The following BMPR1B variants were observed in gnomAD, a reference collection of about 807,000 sequenced individuals.
The protein encoded by BMPR1B is bone morphogenetic protein receptor type 1B, also known as bone morphogenetic protein receptor type-1B.
BMPR1B carries 12 observed loss-of-function variants against 59.1 expected under a neutral mutation model. That is an observed-to-expected ratio of 0.20 (90% CI 0.13 to 0.33). The LOEUF (loss-of-function observed/expected upper bound fraction) is 0.33, where lower values mean the gene tolerates loss of function less well. Among genes scored for constraint, BMPR1B ranks in the 10% least tolerant of loss-of-function variants. The pLI, the probability that BMPR1B is intolerant of heterozygous loss-of-function variation, is 1.00. For synonymous variants in BMPR1B, 237 were observed against 207.3 expected (o/e 1.14, Z -1.23); for missense variants, 550 against 610.9 (o/e 0.90, Z 1.05).
At chr4:95,030,762 C>G (rs1053231201) in intron 3 of BMPR1B, among the ~76,000 whole-genome samples, 5 of 152,150 alleles carry the variant, frequency 3.3e-5, no homozygotes, top group African/African-American at 1.2e-4. Context: ...AGTGAACTCC[C>G]ATTCACGATT....
intron 10 of BMPR1B, among the ~76,000 whole-genome samples, chr4:95,137,693 T>G (rs62316254): frequency 0.03 from 4,621 of 152,310 alleles, 109 homozygotes; most frequent in Non-Finnish European, 0.048. Context: ...TCTTTGTTAG[T>G]TTAAAGTCTG....
intron 6 of BMPR1B, among the ~76,000 whole-genome samples, chr4:95,121,630 C>T (rs1372558237): frequency 6.6e-6 from 1 of 152,030 alleles, no homozygotes; most frequent in Non-Finnish European, 1.5e-5. Flanking sequence ...ATTGAGAAGG[C>T]AAGATAATTA....
intron 2 of BMPR1B, among the ~76,000 whole-genome samples, chr4:94,995,433 A>C (rs1297802524): frequency 6.6e-6 from 1 of 152,172 alleles, no homozygotes; most frequent in Non-Finnish European, 1.5e-5. Context: ...TTTCTCATTG[A>C]GAAGCAATAT....
At chr4:94,862,339 C>T (rs1215681314) in intron 1 of BMPR1B, among the ~76,000 whole-genome samples, 15 of 151,524 alleles carry the variant, frequency 9.9e-5, no homozygotes, top group African/African-American at 2.9e-4. Flanking sequence ...TTAGCAGAGG[C>T]GGGGTTTCAC....
intron 1 of BMPR1B, among the ~76,000 whole-genome samples, chr4:94,769,358 C>A (rs1722084399): frequency 6.6e-6 from 1 of 152,140 alleles, no homozygotes; most frequent in Admixed American, 6.5e-5. Context: ...CGCCTGTAAT[C>A]CTAGCACTTT....
At chr4:95,019,076 G>T (rs138150310) in intron 3 of BMPR1B, among the ~76,000 whole-genome samples, 3 of 152,050 alleles carry the variant, frequency 2.0e-5, no homozygotes, top group Admixed American at 1.3e-4. Context: ...TGCAACTGTC[G>T]AATACCGCTT....
intron 3 of BMPR1B, among the ~76,000 whole-genome samples, chr4:95,006,316 G>A (rs556624005): frequency 8.0e-5 from 12 of 150,418 alleles, no homozygotes; most frequent in Admixed American, 1.3e-4. Context: ...AGGCTGAGGC[G>A]GGTGGATCAT....
At chr4:95,065,598 T>C (rs559183592) in intron 3 of BMPR1B, among the ~76,000 whole-genome samples, 14 of 152,218 alleles carry the variant, frequency 9.2e-5, no homozygotes, top group Non-Finnish European at 1.8e-4. Flanking sequence ...GTTAAGATTT[T>C]ATAAAAATGA....
intron 2 of BMPR1B, among the ~76,000 whole-genome samples, chr4:94,890,811 A>G (rs1246388621): frequency 2.0e-5 from 3 of 151,892 alleles, no homozygotes; most frequent in African/African-American, 7.3e-5. Flanking sequence ...CCCCATCCTC[A>G]TGATCTCATG....
chr4:94,769,549 G>T (rs1410956656), intron 1 of BMPR1B, among the ~76,000 whole-genome samples: 1 of 151,790 alleles, frequency 6.6e-6, no homozygotes, highest in East Asian at 1.9e-4. Flanking sequence ...GGCGGAGGTT[G>T]CAGTGAGCCA....
At chr4:94,772,805 C>G (rs1020851355) in intron 1 of BMPR1B, among the ~76,000 whole-genome samples, 5 of 152,054 alleles carry the variant, frequency 3.3e-5, no homozygotes, top group African/African-American at 1.2e-4. Flanking sequence ...GACCTCTGTT[C>G]TGCGACTTTG....
intron 1 of BMPR1B, among the ~76,000 whole-genome samples, chr4:94,824,861 GTTTTACAAAA>G (rs976729084): frequency 5.9e-5 from 9 of 152,064 alleles, no homozygotes; most frequent in Non-Finnish European, 1.0e-4. Flanking sequence ...TAGTTTTTGT[GTTTTACAAAA>G]TTGTAGTTAC....
At chr4:94,911,751 T>C (rs1728281447) in intron 2 of BMPR1B, among the ~76,000 whole-genome samples, 1 of 152,168 alleles carries the variant, frequency 6.6e-6, no homozygotes, top group Non-Finnish European at 1.5e-5. Context: ...TCAGTACATC[T>C]AAGGTATATA....
intron 1 of BMPR1B, among the ~76,000 whole-genome samples, chr4:94,766,687 A>ATTT (rs994773223): frequency 1.3e-5 from 2 of 151,688 alleles, no homozygotes; most frequent in African/African-American, 2.4e-5. Flanking sequence ...TATTATTATT[A>ATTT]TTTTTTACCA....
chr4:95,051,855 A>AG (rs1390501332), intron 3 of BMPR1B: 1 of 1,361,264 alleles, frequency 7.3e-7, no homozygotes. Flanking sequence ...CAGAAGGGAA[A>AG]GTTCAGGCCA....
chr4:94,886,912 A>T (rs771201082), intron 2 of BMPR1B, among the ~76,000 whole-genome samples: 3 of 152,162 alleles, frequency 2.0e-5, no homozygotes, highest in Non-Finnish European at 4.4e-5. Context: ...GAAAATACCG[A>T]AAAAGAAACT....
At chr4:94,865,722 T>C (rs1451484782) in intron 1 of BMPR1B, among the ~76,000 whole-genome samples, 1 of 152,198 alleles carries the variant, frequency 6.6e-6, no homozygotes, top group Non-Finnish European at 1.5e-5. Flanking sequence ...CCTTCAATGG[T>C]TCCCATTGCC....
At chr4:95,100,776 G>T (rs914986314) in intron 3 of BMPR1B, among the ~76,000 whole-genome samples, 5 of 152,038 alleles carry the variant, frequency 3.3e-5, no homozygotes, top group African/African-American at 7.2e-5. Flanking sequence ...CTCACCTGCT[G>T]GGATTTTCAT....
rs146397817 is a variant in BMPR1B, at chr4:94,820,123, C to A, written c.-182-55708C>A. ...AGTGCATAAGGTTCAGTGTATTATT[C>A]CTGTACCTCACACAGTGAGGCCCAT... On this transcript the variant is annotated intron_variant, in intron 1 of 12. Coordinates refer to ENST00000515059, the MANE Select transcript of BMPR1B (RefSeq NM_001203.3). Among the ~76,000 whole-genome samples the A allele has an allele frequency of 6.7e-3, 1,015 of 152,256 alleles. 8 individuals are homozygous for A. Among genetic ancestry groups the A allele is most frequent in the Non-Finnish European group, 7.3e-3 (498 of 68,024 alleles).
Sources: gnomAD v4.1 joint callset for allele counts (sites outside exome capture counted in the v4.1 genomes callset) on GRCh38, gnomAD v4.1.1 for gene constraint, MANE v1.5 for transcripts, NCBI Gene and HGNC (gene_info 2026-07-23, HGNC 2026-07-21) for gene names.